ELOC: variants seen among roughly 807,000 people sequenced by gnomAD.
ELOC encodes elongin-C.
For missense variants in ELOC, 38 were observed against 139.0 expected (o/e 0.27, Z 3.65); for synonymous variants, 40 against 51.3 (o/e 0.78, Z 0.94).
At chr8:73,956,138 C>T (rs919933189) in intron 2 of ELOC, 84 bp from the exon 3 acceptor site, 81 of 1,330,664 alleles carry the variant, frequency 6.1e-5, no homozygotes, top group Admixed American at 5.5e-4. Context: ...CAGTGGCTCA[C>T]GCCTGTAATC....
intron 2 of ELOC, among the ~76,000 whole-genome samples, chr8:73,957,407 C>A (rs533959750): frequency 6.6e-6 from 1 of 151,974 alleles, no homozygotes; most frequent in Non-Finnish European, 1.5e-5. Context: ...TTAATTTTTA[C>A]AATTTTGTAC....
At chr8:73,971,603 C>T (rs1242031693) in intron 1 of ELOC, among the ~76,000 whole-genome samples, 1 of 151,954 alleles carries the variant, frequency 6.6e-6, no homozygotes, top group Non-Finnish European at 1.5e-5. Flanking sequence ...CACGATACCC[C>T]CAACTCATGA....
At chr8:73,969,360 G>A (rs1815205665) in intron 1 of ELOC, among the ~76,000 whole-genome samples, 1 of 152,140 alleles carries the variant, frequency 6.6e-6, no homozygotes, top group African/African-American at 2.4e-5. Context: ...TTTGGCTCCA[G>A]CTTCAAATTA....
chr8:73,955,881 A>C (rs142949283), intron 3 of ELOC, 30 bp downstream of exon 3: 6 of 1,572,424 alleles, frequency 3.8e-6, no homozygotes, highest in Non-Finnish European at 5.2e-6. Context: ...AAAAGTGAAT[A>C]TATGAAGAAA....
chr8:73,971,576 T>A (rs1815405762), intron 1 of ELOC, among the ~76,000 whole-genome samples: 1 of 151,874 alleles, frequency 6.6e-6, no homozygotes, highest in Non-Finnish European at 1.5e-5. Context: ...CAGACAAGAC[T>A]GGACGGCCAG....
At chr8:73,960,568 C>A (rs1190000965) in intron 1 of ELOC, among the ~76,000 whole-genome samples, 1 of 152,164 alleles carries the variant, frequency 6.6e-6, no homozygotes, top group Non-Finnish European at 1.5e-5. Context: ...ACTCATCAAT[C>A]ATGTCTACAG....
intron 1 of ELOC, among the ~76,000 whole-genome samples, chr8:73,971,511 C>G (rs1815401202): frequency 6.6e-6 from 1 of 152,138 alleles, no homozygotes; most frequent in Non-Finnish European, 1.5e-5. Flanking sequence ...TAACAGATCT[C>G]AGTTCCTTAA....
intron 1 of ELOC, among the ~76,000 whole-genome samples, chr8:73,971,598 T>C (rs925390289): frequency 3.3e-5 from 5 of 151,688 alleles, no homozygotes; most frequent in Non-Finnish European, 7.4e-5. Flanking sequence ...AGATGCACGA[T>C]ACCCCCAACT....
intron 1 of ELOC, among the ~76,000 whole-genome samples, chr8:73,969,127 A>G (rs1815189279): frequency 6.6e-6 from 1 of 152,114 alleles, no homozygotes; most frequent in Admixed American, 6.6e-5. Context: ...TGAATATCCA[A>G]CTTTTCTACT....
chr8:73,954,748 T>C (rs998274580), intron 3 of ELOC, among the ~76,000 whole-genome samples: 10 of 151,702 alleles, frequency 6.6e-5, no homozygotes, highest in Non-Finnish European at 1.5e-4. Context: ...AGGCTGACTA[T>C]GGGCCGGGCG....
chr8:73,963,486 T>C (rs1426197439), intron 1 of ELOC, among the ~76,000 whole-genome samples: 2 of 152,208 alleles, frequency 1.3e-5, no homozygotes, highest in Admixed American at 1.3e-4. Context: ...CTCGTGTTGT[T>C]AAAAGCTTTA....
chr8:73,958,244 C>T (rs1814343108), intron 2 of ELOC, among the ~76,000 whole-genome samples: 1 of 152,072 alleles, frequency 6.6e-6, no homozygotes, highest in South Asian at 2.1e-4. Context: ...AGGCGTGCAC[C>T]ACCATGCCTG....
chr8:73,953,828 T>C (rs774119650), intron 3 of ELOC, among the ~76,000 whole-genome samples: 5 of 152,086 alleles, frequency 3.3e-5, no homozygotes, highest in Non-Finnish European at 7.4e-5. Context: ...ATCAAGCAAC[T>C]GCACTTCTAA....
At chr8:73,955,164 T>A (rs1168372372) in intron 3 of ELOC, among the ~76,000 whole-genome samples, 2 of 151,404 alleles carry the variant, frequency 1.3e-5, no homozygotes, top group Non-Finnish European at 2.9e-5. Flanking sequence ...TTTTCCCCAA[T>A]GCAACATAAT....
chr8:73,961,852 C>G (rs1449116872), intron 1 of ELOC, among the ~76,000 whole-genome samples: 1 of 152,032 alleles, frequency 6.6e-6, no homozygotes. Flanking sequence ...TTTTGCAGGC[C>G]TAAGAAGCGG....
At chr8:73,949,201 A>G (rs971661717) in intron 3 of ELOC, among the ~76,000 whole-genome samples, 12 of 152,256 alleles carry the variant, frequency 7.9e-5, no homozygotes, top group Non-Finnish European at 1.5e-4. Flanking sequence ...TGCCTTTTAT[A>G]TATCTGTTGG....
At chr8:73,954,482 C>G (rs748264634) in intron 3 of ELOC, among the ~76,000 whole-genome samples, 1 of 151,546 alleles carries the variant, frequency 6.6e-6, no homozygotes, top group Non-Finnish European at 1.5e-5. Flanking sequence ...GGTGAAACCC[C>G]GTCTCTACTA....
intron 1 of ELOC, among the ~76,000 whole-genome samples, chr8:73,962,054 T>G (rs1249494418): frequency 6.7e-6 from 1 of 150,362 alleles, no homozygotes; most frequent in Non-Finnish European, 1.5e-5. Flanking sequence ...TGGGACCATG[T>G]CCAGCTAATT....
At chr8:73,956,078 C>G in intron 2 of ELOC, 24 bp from the exon 3 acceptor site, 1 of 1,603,186 alleles carries the variant, frequency 6.2e-7, no homozygotes, top group Non-Finnish European at 8.5e-7. Context: ...AGTAGTGAAA[C>G]AATTTTTGAG....
Sources: allele counts gnomAD v4.1 joint callset (sites outside exome capture counted in the v4.1 genomes callset), GRCh38; gene constraint gnomAD v4.1.1; transcripts MANE v1.5; gene names NCBI Gene and HGNC (gene_info 2026-07-23, HGNC 2026-07-21).